Variants in PPP2R2C observed in about 807,000 individuals in gnomAD.
The protein encoded by PPP2R2C is protein phosphatase 2, regulatory subunit B, gamma.
Under a neutral mutation model 45.3 loss-of-function variants are expected in PPP2R2C, and 10 were observed. That is an observed-to-expected ratio of 0.22 (90% confidence interval 0.14 to 0.37). The LOEUF is 0.37. Among genes scored for constraint, PPP2R2C ranks in the 10% least tolerant of loss-of-function variants. PPP2R2C has a pLI of 1.00. For synonymous variants in PPP2R2C, 257 were observed against 245.4 expected (o/e 1.05, Z -0.44); for missense variants, 308 against 619.7 (o/e 0.50, Z 5.34).
chr4:6,411,755 T>G (rs1382753856), intron 1 of PPP2R2C, among the ~76,000 whole-genome samples: 3 of 152,122 alleles, frequency 2.0e-5, no homozygotes, highest in Admixed American at 6.5e-5. Context: ...GGTTTCACTG[T>G]GTTAGCCAGG....
intron 1 of PPP2R2C, among the ~76,000 whole-genome samples, chr4:6,422,142 G>A (rs1291478687): frequency 6.6e-6 from 1 of 152,050 alleles, no homozygotes; most frequent in East Asian, 1.9e-4. Context: ...ACACCAAAAG[G>A]GGGAATTGAG....
At chr4:6,473,632 A>C (rs1261781080), upstream of PPP2R2C, among the ~76,000 whole-genome samples, 2 of 152,286 alleles carry the variant, frequency 1.3e-5, no homozygotes, top group East Asian at 3.9e-4. Flanking sequence ...CAGTGGAGCC[A>C]TGCTCCAGGT....
intron 5 of PPP2R2C, among the ~76,000 whole-genome samples, chr4:6,361,154 C>T (rs187320933): frequency 2.6e-4 from 40 of 152,272 alleles, no homozygotes; most frequent in African/African-American, 7.0e-4. Context: ...CTTCTCCACT[C>T]GGAACACCTT....
intron 2 of PPP2R2C, among the ~76,000 whole-genome samples, chr4:6,531,554 C>T (rs1299798357): frequency 5.8e-5 from 6 of 104,002 alleles, no homozygotes; most frequent in East Asian, 2.3e-4. Context: ...GTTTCTTTCC[C>T]GTTTTCCTTT....
In PPP2R2C at chr4:6,410,216, T is replaced by C. The variant is rs112155004; in HGVS notation, c.71-29122A>G. On this transcript the variant is annotated intron_variant, in intron 1 of 8. Coordinates refer to ENST00000382599, the MANE Select transcript of PPP2R2C (RefSeq NM_020416.4). ...AGTGTGAGCTGTGATTATACCAGGC[T>C]CGAGTCTGCTGGAGTAGTGGGAGCA... 9.7e-3 allele frequency among the ~76,000 whole-genome samples: 1,480 copies of C among 152,274 alleles called. 30 individuals carry two copies. The highest frequency in any genetic ancestry group is 0.034 in the African/African-American group (1,413 of 41,542).
chr4:6,369,580 C>A (rs902357439), intron 5 of PPP2R2C, among the ~76,000 whole-genome samples: 1 of 152,188 alleles, frequency 6.6e-6, no homozygotes, highest in Non-Finnish European at 1.5e-5. Flanking sequence ...GACTGGCATT[C>A]GGGGCCCCTA....
chr4:6,424,330 G>A (rs1719156821), intron 1 of PPP2R2C, among the ~76,000 whole-genome samples: 1 of 152,234 alleles, frequency 6.6e-6, no homozygotes, highest in Admixed American at 6.5e-5. Flanking sequence ...GTGAGCTGAC[G>A]GTTCCTCCAG....
Position 6,424,680 on chromosome 4 carries a change from G to A in PPP2R2C, c.71-43586C>T, listed in dbSNP as rs370289158. 7.9e-5 allele frequency among the ~76,000 whole-genome samples: 12 copies of A among 152,316 alleles called. No homozygotes were observed. In the South Asian group the frequency reaches 1.5e-3, roughly 18 times the overall value. ...AGCTGCTGGGGTTTGACAAAGTGAG[G>A]GGAAGGGCATGGAGGCAGAGGGGCC... On this transcript the variant is annotated intron_variant, in intron 1 of 8. Transcript: ENST00000382599.
At chr4:6,461,112 G>A (rs969044977) in intron 1 of PPP2R2C, among the ~76,000 whole-genome samples, 1 of 152,110 alleles carries the variant, frequency 6.6e-6, no homozygotes. Flanking sequence ...ATTTGGCTTT[G>A]CAGACTCAGC....
chr4:6,369,987 T>C (rs1048315366), intron 5 of PPP2R2C, among the ~76,000 whole-genome samples: 4 of 152,222 alleles, frequency 2.6e-5, no homozygotes, highest in Non-Finnish European at 4.4e-5. Flanking sequence ...TAGGGCTTTA[T>C]GGTTCTTTAG....
chr4:6,556,649 C>T (rs980926903), intron 1 of PPP2R2C, among the ~76,000 whole-genome samples: 1 of 152,190 alleles, frequency 6.6e-6, no homozygotes, highest in African/African-American at 2.4e-5. Context: ...ACCTTGTCAT[C>T]ATCCTGCAAC....
rs1036475930 is a variant in PPP2R2C at position 6,345,172 on chromosome 4, C to A, written c.790+2674G>T. On this transcript the variant is annotated intron_variant, in intron 6 of 8. Coordinates refer to ENST00000382599, the MANE Select transcript of PPP2R2C (RefSeq NM_020416.4). This position sits in a 1 kb window ranked among gnomAD's most constrained non-coding sequence, Gnocchi z 5.3. ...CATCCTCCTTCCCACAGGGCTCACA[C>A]GGGGTCAGCAGCGGACCAGGAGCAG... Among the ~76,000 whole-genome samples, 1 of 152,170 alleles carries A rather than the reference C, an allele frequency of 6.6e-6. No homozygotes were observed. Among genetic ancestry groups the A allele is most frequent in the Non-Finnish European group, 1.5e-5 (1 of 68,030 alleles).
At chr4:6,536,038 T>C (rs1030009549) in intron 1 of PPP2R2C, among the ~76,000 whole-genome samples, 2 of 152,116 alleles carry the variant, frequency 1.3e-5, no homozygotes, top group African/African-American at 4.8e-5. Context: ...CCCTGACAGC[T>C]TCTTTCCAGC....
intron 1 of PPP2R2C, among the ~76,000 whole-genome samples, chr4:6,542,231 C>T (rs1420711163): frequency 3.3e-5 from 5 of 152,170 alleles, no homozygotes; most frequent in East Asian, 1.9e-4. Flanking sequence ...CAAGGCATGC[C>T]GCAGACAGAG....
chr4:6,552,983 G>C (rs1725232447), intron 1 of PPP2R2C, among the ~76,000 whole-genome samples: 1 of 152,198 alleles, frequency 6.6e-6, no homozygotes. Flanking sequence ...ACCCCAGATA[G>C]TTCAACAGAA....
intron 8 of PPP2R2C, among the ~76,000 whole-genome samples, chr4:6,327,115 C>A (rs940532787): frequency 6.6e-6 from 1 of 152,188 alleles, no homozygotes; most frequent in Non-Finnish European, 1.5e-5. Context: ...CACCTCTATG[C>A]CTTCTAGAAA....
intron 5 of PPP2R2C, among the ~76,000 whole-genome samples, chr4:6,361,137 TC>T (rs1443007145): frequency 6.6e-6 from 1 of 152,214 alleles, no homozygotes; most frequent in African/African-American, 2.4e-5. Context: ...TGTAACAGCC[TC>T]CTTTCCTTCT....
chr4:6,513,905 C>A (rs1257852416), intron 2 of PPP2R2C, among the ~76,000 whole-genome samples: 1 of 152,180 alleles, frequency 6.6e-6, no homozygotes, highest in Non-Finnish European at 1.5e-5. Flanking sequence ...ACCTCCGGTT[C>A]AGAATAACTT....
At chr4:6,349,810 G>A (rs1473800341) in intron 5 of PPP2R2C, 1 of 884,916 alleles carries the variant, frequency 1.1e-6, no homozygotes, top group African/African-American at 1.8e-5. Context: ...GGAATCACGT[G>A]AACCTGGGAG....
Sources: gnomAD v4.1 joint callset for allele counts (sites outside exome capture counted in the v4.1 genomes callset) on GRCh38, gnomAD v4.1.1 for gene constraint, Gnocchi (gnomAD v3.1) non-coding constraint, MANE v1.5 for transcripts, NCBI Gene and HGNC (gene_info 2026-07-23, HGNC 2026-07-21) for gene names.